Variants in ZNF749 observed in about 807,000 individuals in gnomAD.
ZNF749 encodes the protein zinc finger protein 749.
A neutral mutation model predicts 7.3 loss-of-function variants in ZNF749; 8 were observed. The observed-to-expected ratio is 1.10, with a 90% CI of 0.64 to 1.98. The LOEUF (loss-of-function observed/expected upper bound fraction) is 1.98. Ranked by LOEUF, ZNF749 falls within the 30% of genes most tolerant of loss-of-function variation. The pLI, the probability that ZNF749 is intolerant of heterozygous loss-of-function variation, is 0.00. For synonymous variants in ZNF749, 310 were observed against 322.4 expected (o/e 0.96, Z 0.41); for missense variants, 898 against 932.4 (o/e 0.96, Z 0.48).
At position 57,445,632 on chromosome 19, in the gene ZNF749, A is replaced by T. The variant is rs898788477; in HGVS notation, c.*147A>T. 8.8e-6 allele frequency: 12 copies of T among 1,360,806 alleles called. 1 individual carries two copies. In the South Asian group the frequency reaches 1.9e-4, roughly 21 times the overall value. The allele number at this position is 1,360,806 out of a possible 1,614,324, so 84.3% of individuals were successfully genotyped here. ...GCGAGGATTTCCTGCTGGGAACTAC[A>T]TTAAAAACATTTATGTCCAGGCGTG... is the stretch of plus-strand genomic sequence containing the variant. On this transcript the variant is annotated 3_prime_UTR_variant, in exon 3 of 3. Coordinates refer to ENST00000334181, the MANE Select transcript of ZNF749 (RefSeq NM_001023561.4).
At position 57,439,355 on chromosome 19, in the gene ZNF749, G is replaced by A. The variant is rs747855214; in HGVS notation, c.16-2530G>A. ...GAGATGGAAGAGGGGGTCAGGAATGGCCCCACAGTTTTGGCCTTATTTGGA... is the reference window on the plus strand; with the variant it reads ...GAGATGGAAGAGGGGGTCAGGAATGACCCCACAGTTTTGGCCTTATTTGGA... On this transcript the variant is annotated intron_variant, in intron 1 of 2. Transcript: ENST00000334181. The surrounding 1 kb of genome is among the most constrained non-coding windows in gnomAD (Gnocchi z 4.3). Among the ~76,000 whole-genome samples the A allele has an allele frequency of 3.0e-4, 45 of 152,162 alleles. No individual in the cohort carries two copies. The highest frequency in any genetic ancestry group is 5.9e-4 in the Non-Finnish European group (40 of 68,032).
chr19:57,441,464 T>C (rs1249488388), intron 1 of ZNF749, among the ~76,000 whole-genome samples: 1 of 152,114 alleles, frequency 6.6e-6, no homozygotes, highest in African/African-American at 2.4e-5. Flanking sequence ...ATTTCCTTAG[T>C]GCAGGGGGAA....
chr19:57,435,854 G>A lies in ZNF749; in HGVS notation c.15+261G>A, dbSNP rs532234802. ...GTCTCCAAGGAGCAGAGGTTGAGGC[G>A]GAGTCTCCCCTGGAAGGGCAGTGGA... On this transcript the variant is annotated intron_variant, in intron 1 of 2. Coordinates refer to ENST00000334181, the MANE Select transcript of ZNF749 (RefSeq NM_001023561.4). Among the ~76,000 whole-genome samples, 11 of 152,342 alleles carry A rather than the reference G, an allele frequency of 7.2e-5. No individual in the cohort carries two copies. In the South Asian group the frequency reaches 2.3e-3, roughly 32 times the overall value.
Position 57,435,527 on chromosome 19 carries a change from A to ACCGCCGTTC in ZNF749, c.-46_-38dup. 1.3e-6 allele frequency: 2 copies of ACCGCCGTTC among 1,575,308 alleles called. No homozygotes were observed. Among genetic ancestry groups the ACCGCCGTTC allele is most frequent in the African/African-American group, 1.3e-5 (1 of 74,200 alleles). On this transcript the variant is annotated 5_prime_UTR_variant, in exon 1 of 3. Transcript: ENST00000334181. Reference sequence around the variant, plus strand: ...CCCTGCCTCCGTCAGCGTCCAGGTGACCGCCGTTCCCGCCCCGCTCTTCCC... The same window carrying ACCGCCGTTC: ...CCCTGCCTCCGTCAGCGTCCAGGTGACCGCCGTTCCCGCCGTTCCCGCCCCGCTCTTCCC...
chr19:57,435,752 T>G (rs1431185137), intron 1 of ZNF749, 159 bp downstream of exon 1: 1 of 1,383,592 alleles, frequency 7.2e-7, no homozygotes, highest in African/African-American at 1.5e-5. Flanking sequence ...GCGGGGGAGC[T>G]CCCGTCGGAG....
In ZNF749 at chr19:57,439,342, G is replaced by A. The variant is rs1431028482; in HGVS notation, c.16-2543G>A. Among the ~76,000 whole-genome samples, 2 of 152,268 alleles carry A rather than the reference G, an allele frequency of 1.3e-5. No homozygotes were observed. The highest frequency in any genetic ancestry group is 2.4e-5 in the African/African-American group (1 of 41,536). On this transcript the variant is annotated intron_variant, in intron 1 of 2. Coordinates refer to ENST00000334181, the MANE Select transcript of ZNF749 (RefSeq NM_001023561.4). The surrounding 1 kb of genome is among the most constrained non-coding windows in gnomAD (Gnocchi z 4.3). ...AAGCTTGGGAGCTGAGATGGAAGAGGGGGTCAGGAATGGCCCCACAGTTTT... is the reference window on the plus strand; with the variant it reads ...AAGCTTGGGAGCTGAGATGGAAGAGAGGGTCAGGAATGGCCCCACAGTTTT...
chr19:57,432,288 AAAGG>A (rs1330197922), upstream of ZNF749, among the ~76,000 whole-genome samples: 1 of 151,646 alleles, frequency 6.6e-6, no homozygotes, highest in Non-Finnish European at 1.5e-5. Context: ...TTAAAAAAAA[AAAGG>A]AGGCGGGGCG....
chr19:57,444,005 T>C lies in ZNF749; in HGVS notation c.857T>C (p.Ile286Thr), dbSNP rs1232390937. Residue 286 changes from isoleucine (I) to threonine (T), a missense_variant, in exon 3 of 3, where the codon ATT becomes ACT. Physicochemically the swap from Ile to Thr is moderately conservative, Grantham distance 89 (BLOSUM62 -1). Coordinates refer to ENST00000334181, the MANE Select transcript of ZNF749 (RefSeq NM_001023561.4). ...EGFLSKRSDP[I>T]EHQEILSRPT... ...TTTCTTTCAAAAAGGTCTGACCCCA[T>C]TGAACATCAGGAGATTCTCAGTAGA... The C allele has an allele frequency of 1.2e-6, 2 of 1,613,912 alleles. No individual in the cohort carries two copies. Among genetic ancestry groups the C allele is most frequent in the Non-Finnish European group, 8.5e-7 (1 of 1,179,878 alleles).
At position 57,443,871 on chromosome 19, in the gene ZNF749, ATATCAGCAAAATCATGC is replaced by A. The variant is rs1340002821; in HGVS notation, c.725_741del (p.Tyr242TrpfsTer6). 1.2e-6 allele frequency: 2 copies of A among 1,613,688 alleles called. No individual in the cohort carries two copies. Among genetic ancestry groups the A allele is most frequent in the East Asian group, 4.5e-5 (2 of 44,878 alleles). Reference sequence around the variant, plus strand: ...TTAGGTACAACTCCAACCTTATTAAATATCAGCAAAATCATGCTGGAGAAAGGCCTTATGAGGGCACT... The same window carrying A: ...TTAGGTACAACTCCAACCTTATTAAATGGAGAAAGGCCTTATGAGGGCACT... On this transcript the variant is annotated frameshift_variant, in exon 3 of 3. Coordinates refer to ENST00000334181, the MANE Select transcript of ZNF749 (RefSeq NM_001023561.4). LOFTEE classifies it low-confidence loss of function (END_TRUNC).
chr19:57,444,154 A>T lies in ZNF749; in HGVS notation c.1006A>T (p.Met336Leu), dbSNP rs2089028168. 6.2e-7 allele frequency: 1 copy of T among 1,613,742 alleles called. No homozygotes were observed. Among genetic ancestry groups the T allele is most frequent in the Admixed American group, 1.7e-5 (1 of 59,982 alleles). The change falls in exon 3 of 3, where the codon ATG becomes TTG. Residue 336 changes from methionine (M) to leucine (L), a missense_variant. Physicochemically the swap from Met to Leu is conservative, Grantham distance 15. Coordinates refer to ENST00000334181, the MANE Select transcript of ZNF749 (RefSeq NM_001023561.4). ...YECNKCGKFF[M>L]YNSKLIRHQK... ...ATGCAACAAGTGTGGGAAGTTTTTT[A>T]TGTATAACTCCAAACTCATCAGACA... is the stretch of plus-strand genomic sequence containing the variant.
Position 57,435,550 on chromosome 19 carries a change from C to A in ZNF749, c.-29C>A. On this transcript the variant is annotated 5_prime_UTR_variant, in exon 1 of 3. Coordinates refer to ENST00000334181, the MANE Select transcript of ZNF749 (RefSeq NM_001023561.4). Reference sequence around the variant, plus strand: ...TGACCGCCGTTCCCGCCCCGCTCTTCCCTGGGTGGACTGGAGGAGGCCGCG... The same window carrying A: ...TGACCGCCGTTCCCGCCCCGCTCTTACCTGGGTGGACTGGAGGAGGCCGCG... 1.2e-6 allele frequency: 2 copies of A among 1,601,368 alleles called. No homozygotes were observed. The highest frequency in any genetic ancestry group is 1.7e-6 in the Non-Finnish European group (2 of 1,175,576).
chr19:57,445,365 T>C lies in ZNF749; in HGVS notation c.2217T>C (p.Gly739=), dbSNP rs1476852391. The change falls in exon 3 of 3, where the codon GGT becomes GGC. Residue 739 remains glycine (G), a synonymous_variant. Coordinates refer to ENST00000334181, the MANE Select transcript of ZNF749 (RefSeq NM_001023561.4). Reference sequence around the variant, plus strand: ...AAGACTTCAACAAATGTAATACTGGTCAGCGCCAAAAAACTCACACTGGAG... The same window carrying C: ...AAGACTTCAACAAATGTAATACTGGCCAGCGCCAAAAAACTCACACTGGAG... ...CGKDFNKCNT[G]QRQKTHTGER... is the part of the protein sequence containing the mutation. 6.2e-7 allele frequency: 1 copy of C among 1,613,832 alleles called. No homozygotes were observed. The highest frequency in any genetic ancestry group is 8.5e-7 in the Non-Finnish European group (1 of 1,179,818).
rs1218047190 is a variant in ZNF749, at chr19:57,439,280, C to G, written c.16-2605C>G. On this transcript the variant is annotated intron_variant, in intron 1 of 2. Transcript: ENST00000334181. This position sits in a 1 kb window ranked among gnomAD's most constrained non-coding sequence, Gnocchi z 4.3. Reference sequence around the variant, plus strand: ...TGGGGGGCTTCTGTATGTGTTTGATCTAGAGCTGCCTGTATTTTATAACGT... The same window carrying G: ...TGGGGGGCTTCTGTATGTGTTTGATGTAGAGCTGCCTGTATTTTATAACGT... Among the ~76,000 whole-genome samples, 1 of 151,932 alleles carries G rather than the reference C, an allele frequency of 6.6e-6. No individual in the cohort carries two copies. The highest frequency in any genetic ancestry group is 1.5e-5 in the Non-Finnish European group (1 of 68,008).
In ZNF749 at chr19:57,445,073, G is replaced by A. The variant is rs1166843650; in HGVS notation, c.1925G>A (p.Cys642Tyr). The A allele has an allele frequency of 6.2e-7, 1 of 1,613,856 alleles. No homozygotes were observed. The highest frequency in any genetic ancestry group is 8.5e-7 in the Non-Finnish European group (1 of 1,179,884). The change falls in exon 3 of 3, where the codon TGT becomes TAT. Residue 642 changes from cysteine (C) to tyrosine (Y), a missense_variant. Transcript: ENST00000334181. ...CACACTGGAGAAAGACCTTATGAGT[G>A]TAGTGAATGTGGGAAATTTTTTAGA... The part of the protein sequence containing the change: ...KVHTGERPYE[C>Y]SECGKFFRDS...
rs1346479158 is a variant in ZNF749 at position 57,445,149 on chromosome 19, T to TTA, written c.2003_2004dup (p.Glu669MetfsTer59). ...AGAGAGTTCATACTGGAGAAAAGCC[T>TTA]TATGAATGCAGCAACTGTGGGAAGT... On this transcript the variant is annotated frameshift_variant, in exon 3 of 3. Transcript: ENST00000334181. LOFTEE classifies it low-confidence loss of function (END_TRUNC). 1 of 1,614,052 alleles carries TTA rather than the reference T, an allele frequency of 6.2e-7. No individual in the cohort carries two copies. The highest frequency in any genetic ancestry group is 8.5e-7 in the Non-Finnish European group (1 of 1,180,038).
chr19:57,438,583 CA>C (rs1379557297), intron 1 of ZNF749: 2 of 153,308 alleles, frequency 1.3e-5, no homozygotes, highest in Non-Finnish European at 2.9e-5. Context: ...ACAAGTCTGC[CA>C]CATCTTCCCA....
At position 57,445,192 on chromosome 19, in the gene ZNF749, A is replaced by G. The variant is rs374152049; in HGVS notation, c.2044A>G (p.Thr682Ala). Residue 682 changes from threonine (T) to alanine (A), a missense_variant, in exon 3 of 3, where the codon ACA becomes GCA. Coordinates refer to ENST00000334181, the MANE Select transcript of ZNF749 (RefSeq NM_001023561.4). The part of the protein sequence containing the change: ...NCGKFLRYRS[T>A]FIKHHKVCTG... Reference sequence around the variant, plus strand: ...TGGGAAGTTTCTTAGATACCGCTCTACATTCATTAAACATCATAAAGTTTG... The same window carrying G: ...TGGGAAGTTTCTTAGATACCGCTCTGCATTCATTAAACATCATAAAGTTTG... 1.9e-5 allele frequency: 31 copies of G among 1,614,170 alleles called. No homozygotes were observed. The African/African-American group carries it at 3.7e-4, about 19-fold the overall frequency.
In ZNF749 at chr19:57,444,845, T is replaced by C. The variant is rs1015907773; in HGVS notation, c.1697T>C (p.Leu566Pro). Residue 566 changes from leucine to proline, a missense_variant, in exon 3 of 3, where the codon CTT becomes CCT. Transcript: ENST00000334181. ...TGTAGTGAATGTGGGAAGGCCTTCCTTACACAGGCTCATCTAGATGGTCAC... is the reference window on the plus strand; with the variant it reads ...TGTAGTGAATGTGGGAAGGCCTTCCCTACACAGGCTCATCTAGATGGTCAC... ...YVCSECGKAF[L>P]TQAHLDGHQK... The C allele has an allele frequency of 1.2e-6, 2 of 1,614,106 alleles. No individual in the cohort carries two copies. Among genetic ancestry groups the C allele is most frequent in the South Asian group, 1.1e-5 (1 of 91,068 alleles).
intron 1 of ZNF749, among the ~76,000 whole-genome samples, chr19:57,437,516 G>A (rs2088946853): frequency 6.6e-6 from 1 of 152,000 alleles, no homozygotes; most frequent in Non-Finnish European, 1.5e-5. Flanking sequence ...ACGAGGTCAG[G>A]AGTTTGAGAC....
Sources: allele counts gnomAD v4.1 joint callset (sites outside exome capture counted in the v4.1 genomes callset), GRCh38; gene constraint gnomAD v4.1.1; non-coding constraint Gnocchi (gnomAD v3.1); transcripts MANE v1.5; gene names NCBI Gene and HGNC (gene_info 2026-07-23, HGNC 2026-07-21).